Variants in SLC34A2 observed in about 807,000 individuals in gnomAD.
SLC34A2 encodes the protein solute carrier family 34 member 2.
In SLC34A2, 41 loss-of-function variants were observed where a neutral mutation model predicts 50.8. The ratio of observed to expected loss-of-function variants is 0.81; its 90% CI spans 0.63 to 1.05. The LOEUF (loss-of-function observed/expected upper bound fraction) is 1.05. SLC34A2 is among the 50% of genes least tolerant of loss of function. SLC34A2 has a pLI of 0.00. For missense variants in SLC34A2, 879 were observed against 876.7 expected, an observed-to-expected ratio of 1.00 and a Z score of -0.03; for synonymous variants, 401 against 364.2, an observed-to-expected ratio of 1.10 and a Z score of -1.15.
At chr4:25,657,755 G>A (rs778034682) in intron 1 of SLC34A2, among the ~76,000 whole-genome samples, 13 of 152,144 alleles carry the variant, frequency 8.5e-5, no homozygotes, top group Non-Finnish European at 1.8e-4. Flanking sequence ...TCCTTGAAGA[G>A]ATTATTATTA....
intron 6 of SLC34A2, among the ~76,000 whole-genome samples, 162 bp from the exon 7 acceptor site, chr4:25,669,485 T>C (rs1010510792): frequency 1.3e-5 from 2 of 152,128 alleles, no homozygotes; most frequent in Non-Finnish European, 2.9e-5. Flanking sequence ...ACCAGCCACT[T>C]TGGGGATCGA....
Position 25,662,584 on chromosome 4 carries a change from C to T in SLC34A2, c.84C>T (p.Ala28=). 1 of 1,614,044 alleles carries T rather than the reference C, an allele frequency of 6.2e-7. No homozygotes were observed. Among genetic ancestry groups the T allele is most frequent in the Non-Finnish European group, 8.5e-7 (1 of 1,180,008 alleles). Residue 28 remains alanine (A), a synonymous_variant, in exon 2 of 13, where the codon GCC becomes GCT. Coordinates refer to ENST00000382051, the MANE Select transcript of SLC34A2 (RefSeq NM_006424.3). ...GGGCCGCAGGTCAGCAGCCCACTGC[C>T]CCTGATAAAAGCAAAGAGACCAACA... ...LEGAAGQQPT[A]PDKSKETNKT...
chr4:25,669,654 G>T lies in SLC34A2; in HGVS notation c.643G>T (p.Ala215Ser). ...GDRSEFRRAF[A>S]GATVHDFFNW... is the part of the protein sequence containing the mutation. ...GGGGTTTCCCTCCCATAGAGCTTTT[G>T]CAGGAGCCACTGTCCATGACTTCTT... Residue 215 changes from alanine (A) to serine (S), a missense_variant, in exon 7 of 13, where the codon GCA becomes TCA. Transcript: ENST00000382051. 1 of 1,613,790 alleles carries T rather than the reference G, an allele frequency of 6.2e-7. No homozygotes were observed. The highest frequency in any genetic ancestry group is 1.1e-5 in the South Asian group (1 of 91,052).
chr4:25,665,510 A>G (rs975077988), intron 4 of SLC34A2, among the ~76,000 whole-genome samples: 4 of 152,094 alleles, frequency 2.6e-5, no homozygotes, highest in Admixed American at 6.5e-5. Flanking sequence ...TGGGAGCATC[A>G]GCTAGGGGCT....
At chr4:25,668,640 T>TAAAA (rs201811688) in intron 6 of SLC34A2, among the ~76,000 whole-genome samples, 1 of 141,418 alleles carries the variant, frequency 7.1e-6, no homozygotes, top group African/African-American at 2.6e-5. Context: ...AGACTCCATC[T>TAAAA]AAAAAAAAAA....
chr4:25,671,930 C>T (rs1714840443), intron 9 of SLC34A2, among the ~76,000 whole-genome samples: 1 of 152,184 alleles, frequency 6.6e-6, no homozygotes, highest in African/African-American at 2.4e-5. Context: ...ACAGCAAGGG[C>T]AGAACTGGAA....
intron 1 of SLC34A2, 76 bp downstream of exon 1, chr4:25,655,966 C>T (rs1402817270): frequency 6.6e-6 from 1 of 152,254 alleles, no homozygotes; most frequent in Non-Finnish European, 1.5e-5. Flanking sequence ...TTGCAAATAC[C>T]TCTCGGTGCT....
intron 12 of SLC34A2, among the ~76,000 whole-genome samples, 181 bp downstream of exon 12, chr4:25,674,810 A>G (rs551987835): frequency 6.6e-6 from 1 of 152,346 alleles, no homozygotes; most frequent in South Asian, 2.1e-4. Flanking sequence ...CAAAACTATC[A>G]GTTCTGAGAG....
rs574258299 is a variant in SLC34A2 at position 25,658,270 on chromosome 4, T to C, written c.-4+2380T>C. Among the ~76,000 whole-genome samples, 20 of 152,328 alleles carry C rather than the reference T, an allele frequency of 1.3e-4. 1 individual carries two copies. In the South Asian group the frequency reaches 3.9e-3, roughly 30 times the overall value. ...CTTGGCTACCATGTGCCCAGCACTGTCCTATGTGCTGGGGATACAATGGCC... is the reference window on the plus strand; with the variant it reads ...CTTGGCTACCATGTGCCCAGCACTGCCCTATGTGCTGGGGATACAATGGCC... On this transcript the variant is annotated intron_variant, in intron 1 of 12. Coordinates refer to ENST00000382051, the MANE Select transcript of SLC34A2 (RefSeq NM_006424.3).
rs1294087282 is a variant in SLC34A2, at chr4:25,664,366, G to A, written c.379+36G>A. 3.1e-6 allele frequency: 5 copies of A among 1,612,854 alleles called. No homozygotes were observed. The East Asian group carries it at 8.9e-5, about 29-fold the overall frequency. ...AAGGGTGAGAGGTCTGCGGGTGAGG[G>A]GCATTATCTTGAAATGTGGTTCCGA... On this transcript the variant is annotated intron_variant, in intron 4 of 12. Transcript: ENST00000382051.
rs756443417 is a variant in SLC34A2, at chr4:25,671,714, C to G, written c.1041C>G (p.Ile347Met). The G allele has an allele frequency of 4.3e-6, 7 of 1,614,086 alleles. No homozygotes were observed. The highest frequency in any genetic ancestry group is 1.3e-5 in the African/African-American group (1 of 74,930). ...TMKNVTYKEN[I>M]AKCQHIFVNF... The stretch of plus-strand genomic sequence containing the variant: ...AGAATGTGACCTACAAGGAGAACAT[C>G]GCCAAATGTGAGTGGAGCTCAGTGG... Residue 347 changes from isoleucine to methionine, a missense_variant, in exon 9 of 13, where the codon ATC (isoleucine) becomes ATG (methionine). Physicochemically the swap from Ile to Met is conservative, Grantham distance 10. Transcript: ENST00000382051.
intron 5 of SLC34A2, chr4:25,666,904 T>C (rs1385357680): frequency 6.6e-6 from 1 of 152,170 alleles, no homozygotes; most frequent in African/African-American, 2.4e-5. Flanking sequence ...ATTATTTTTT[T>C]TTCTATTTTC....
rs776696165 is a variant in SLC34A2, at chr4:25,676,639, C to T, written c.1963C>T (p.Gln655Ter). The change falls in exon 13 of 13, where the codon CAG becomes TAG. Residue 655 changes from glutamine to a stop codon, truncating the protein, a stop_gained. Coordinates refer to ENST00000382051, the MANE Select transcript of SLC34A2 (RefSeq NM_006424.3). LOFTEE classifies it low-confidence loss of function (END_TRUNC). Reference sequence around the variant, plus strand: ...GGACTTGGAGGAGGCGCAGGAGGGGCAGGATGTCCCTGTCAAGGCTCCTGA... The same window carrying T: ...GGACTTGGAGGAGGCGCAGGAGGGGTAGGATGTCCCTGTCAAGGCTCCTGA... ...CEDLEEAQEG[Q>*]DVPVKAPETF... 1.9e-6 allele frequency: 3 copies of T among 1,614,002 alleles called. No homozygotes were observed. The highest frequency in any genetic ancestry group is 1.6e-4 in the Middle Eastern group (1 of 6,082).
At chr4:25,656,994 G>T (rs79416121) in intron 1 of SLC34A2, among the ~76,000 whole-genome samples, 1 of 152,004 alleles carries the variant, frequency 6.6e-6, no homozygotes, top group African/African-American at 2.4e-5. Flanking sequence ...GATTGTTAAA[G>T]AAAAACAAAA....
At position 25,674,515 on chromosome 4, in the gene SLC34A2, G is replaced by A. The variant is rs749585772; in HGVS notation, c.1344G>A (p.Val448=). Residue 448 remains valine, a synonymous_variant, in exon 12 of 13, where the codon GTG becomes GTA. Transcript: ENST00000382051. The part of the protein sequence containing the change: ...SALTPLIGIG[V]ITIERAYPLT... ...TTGTGTTTCCCCCAGGAATCGGCGT[G>A]ATAACCATTGAGAGGGCTTATCCAC... The A allele has an allele frequency of 9.9e-6, 16 of 1,614,060 alleles. No individual in the cohort carries two copies. The highest frequency in any genetic ancestry group is 1.4e-5 in the Non-Finnish European group (16 of 1,180,046).
rs759690003 is a variant in SLC34A2 at position 25,662,835 on chromosome 4, G to A, written c.243G>A (p.Lys81=). Residue 81 remains lysine (K), a synonymous_variant, in exon 3 of 13, where the codon AAG becomes AAA. Coordinates refer to ENST00000382051, the MANE Select transcript of SLC34A2 (RefSeq NM_006424.3). ...CCACTCTTCAGGACTCGGGGATCAA[G>A]TGGTCAGGTAAAAGTGAGGCCAGCT... The part of the protein sequence containing the change: ...NLPTLQDSGI[K]WSERDTKGKI... 5.6e-6 allele frequency: 9 copies of A among 1,614,016 alleles called. No individual in the cohort carries two copies. In the South Asian group the frequency reaches 6.6e-5, roughly 12 times the overall value.
In SLC34A2 at chr4:25,667,897, G is replaced by A. The variant is rs994395982; in HGVS notation, c.541G>A (p.Ala181Thr). The A allele has an allele frequency of 1.9e-6, 3 of 1,612,680 alleles. No individual in the cohort carries two copies. The South Asian group carries it at 3.3e-5, about 18-fold the overall frequency. Residue 181 changes from alanine (A) to threonine (T), a missense_variant, in exon 6 of 13, where the codon GCC becomes ACC. Ala to Thr is a moderately conservative substitution (Grantham distance 58, BLOSUM62 0). Coordinates refer to ENST00000382051, the MANE Select transcript of SLC34A2 (RefSeq NM_006424.3). ...VSSSLLTVRA[A>T]IPIIMGANIG... ...TCCTCTAGTGCTCACTGTTCGGGCT[G>A]CCATCCCCATTATCATGGGGGCCAA...
intron 1 of SLC34A2, chr4:25,656,670 G>GT (rs766310646): frequency 6.6e-6 from 1 of 152,386 alleles, no homozygotes; most frequent in African/African-American, 2.4e-5. Flanking sequence ...ATGGCATGGA[G>GT]TTAGTTCAGG....
intron 1 of SLC34A2, 31 bp from the exon 2 acceptor site, chr4:25,662,467 C>A (rs1577491117): frequency 1.3e-6 from 2 of 1,587,856 alleles, no homozygotes; most frequent in Non-Finnish European, 1.7e-6. Flanking sequence ...CTTTCCATGA[C>A]TGCTGCTTTA....
Sources: gnomAD v4.1 joint callset for allele counts (sites outside exome capture counted in the v4.1 genomes callset) on GRCh38, gnomAD v4.1.1 for gene constraint, MANE v1.5 for transcripts, NCBI Gene and HGNC (gene_info 2026-07-23, HGNC 2026-07-21) for gene names.